SPSB1: variants seen among roughly 807,000 people sequenced by gnomAD.
The protein encoded by SPSB1 is splA/ryanodine receptor domain and SOCS box containing 1.
In SPSB1, 8 loss-of-function variants were observed where a neutral mutation model predicts 21.2. The observed-to-expected ratio is 0.38, with a 90% confidence interval of 0.22 to 0.68. SPSB1 has a LOEUF of 0.68. Ranked by LOEUF, SPSB1 falls within the 30% of genes least tolerant of loss-of-function variation. The pLI, the probability that SPSB1 is intolerant of heterozygous loss-of-function variation, is 0.53. For missense variants in SPSB1, 242 were observed against 377.8 expected (o/e 0.64, Z 2.98); for synonymous variants, 169 against 161.7 (o/e 1.05, Z -0.34).
chr1:9,358,744 T>C (rs1640418014), intron 2 of SPSB1, among the ~76,000 whole-genome samples: 1 of 152,168 alleles, frequency 6.6e-6, no homozygotes, highest in South Asian at 2.1e-4. Context: ...TTTCCAGCCC[T>C]GTGCCCTCCA....
rs749521220 is a variant in SPSB1 at position 9,296,629 on chromosome 1, TACAC to T, written c.-150+3565_-150+3568del. 8.5e-5 allele frequency among the ~76,000 whole-genome samples: 13 copies of T among 152,338 alleles called. No individual in the cohort carries two copies. In the East Asian group the frequency reaches 2.3e-3, roughly 27 times the overall value. ...ATATGCACACACATATATGCACACA[TACAC>T]ACACACGCTGGATTATTTTGAAGCA... On this transcript the variant is annotated intron_variant, in intron 1 of 2. Coordinates refer to ENST00000328089, the MANE Select transcript of SPSB1 (RefSeq NM_025106.4).
intron 1 of SPSB1, among the ~76,000 whole-genome samples, chr1:9,315,667 C>T (rs778545141): frequency 2.0e-5 from 3 of 152,220 alleles, no homozygotes; most frequent in Non-Finnish European, 4.4e-5. Context: ...AGCCTGGTTT[C>T]GACCCTCTAC....
intron 2 of SPSB1, among the ~76,000 whole-genome samples, chr1:9,362,642 A>G (rs1267031066): frequency 6.6e-6 from 1 of 152,170 alleles, no homozygotes; most frequent in Non-Finnish European, 1.5e-5. Flanking sequence ...TGAACTGGGC[A>G]CAGCACCACA....
rs550830865 is a variant in SPSB1, at chr1:9,320,741, C to T, written c.-150+27670C>T. On this transcript the variant is annotated intron_variant, in intron 1 of 2. Transcript: ENST00000328089. The stretch of plus-strand genomic sequence containing the variant: ...CGCCTCTCTCGGCTCTGGCTGGCCA[C>T]GACCTTCCTTTTGAAGGTGCCTGGA... Among the ~76,000 whole-genome samples, 7 of 152,320 alleles carry T rather than the reference C, an allele frequency of 4.6e-5. No individual in the cohort carries two copies. The East Asian group carries it at 9.7e-4, about 21-fold the overall frequency.
At chr1:9,332,861 C>T (rs1449854069) in intron 1 of SPSB1, among the ~76,000 whole-genome samples, 1 of 152,168 alleles carries the variant, frequency 6.6e-6, no homozygotes, top group African/African-American at 2.4e-5. Flanking sequence ...GGCCTGAGGT[C>T]AGCTTGCTGC....
In SPSB1 at chr1:9,292,922, G is replaced by T; in HGVS notation, c.-299G>T. On this transcript the variant is annotated 5_prime_UTR_variant, in exon 1 of 3. Coordinates refer to ENST00000328089, the MANE Select transcript of SPSB1 (RefSeq NM_025106.4). ...CAGAAGTCGCGCTCGGGCAGCCTGC[G>T]CGCTCGCAGCAGGAACCAGGCTCCA... 1 of 975,076 alleles carries T rather than the reference G, an allele frequency of 1.0e-6. No homozygotes were observed. The highest frequency in any genetic ancestry group is 1.2e-6 in the Non-Finnish European group (1 of 826,710). 60.4% of individuals were successfully genotyped at this position (975,076 alleles called of 1,614,324 possible).
chr1:9,296,523 A>G (rs972002356), intron 1 of SPSB1, among the ~76,000 whole-genome samples: 1 of 152,260 alleles, frequency 6.6e-6, no homozygotes, highest in Non-Finnish European at 1.5e-5. Flanking sequence ...CTCACCTCGC[A>G]TGCACACACA....
intron 1 of SPSB1, among the ~76,000 whole-genome samples, chr1:9,314,104 A>G (rs1458374036): frequency 2.0e-5 from 3 of 151,048 alleles, no homozygotes; most frequent in Non-Finnish European, 2.9e-5. Context: ...TGAACCAAGG[A>G]GGCAGAGGTT....
intron 1 of SPSB1, among the ~76,000 whole-genome samples, chr1:9,296,392 C>T (rs916202630): frequency 1.3e-5 from 2 of 152,232 alleles, no homozygotes; most frequent in African/African-American, 2.4e-5. Flanking sequence ...TTGTCACCTC[C>T]ACCACCTGAG....
chr1:9,302,188 AGTGGGTGCCT>A (rs1289643265), intron 1 of SPSB1, among the ~76,000 whole-genome samples: 14 of 152,234 alleles, frequency 9.2e-5, no homozygotes, highest in Admixed American at 9.2e-4. Flanking sequence ...AGAAGATGCC[AGTGGGTGCCT>A]ATGGGTGCCA....
chr1:9,325,231 C>CT (rs1402405083), intron 1 of SPSB1, among the ~76,000 whole-genome samples: 1 of 150,158 alleles, frequency 6.7e-6, no homozygotes, highest in Non-Finnish European at 1.5e-5. Flanking sequence ...CACCACCCCC[C>CT]CCCCCCGCCC....
At position 9,343,824 on chromosome 1, in the gene SPSB1, T is replaced by C. The variant is rs148088980; in HGVS notation, c.-149-11919T>C. 2.5e-3 allele frequency among the ~76,000 whole-genome samples: 387 copies of C among 152,276 alleles called. 2 individuals are homozygous for C. Among genetic ancestry groups the C allele is most frequent in the African/African-American group, 8.3e-3 (345 of 41,570 alleles). On this transcript the variant is annotated intron_variant, in intron 1 of 2. Transcript: ENST00000328089. ...TTTTTGAGACAGAGTCTCGCTCTGT[T>C]GCCTAGGCTGGAGTGCAGTGGCGCG... is the stretch of plus-strand genomic sequence containing the variant.
chr1:9,345,502 G>C lies in SPSB1; in HGVS notation c.-149-10241G>C, dbSNP rs1557461052. 6.6e-6 allele frequency among the ~76,000 whole-genome samples: 1 copy of C among 152,204 alleles called. No individual in the cohort carries two copies. Among genetic ancestry groups the C allele is most frequent in the Non-Finnish European group, 1.5e-5 (1 of 68,040 alleles). On this transcript the variant is annotated intron_variant, in intron 1 of 2. Coordinates refer to ENST00000328089, the MANE Select transcript of SPSB1 (RefSeq NM_025106.4). The surrounding 1 kb of genome is among the most constrained non-coding windows in gnomAD (Gnocchi z 4.8). ...TGCTGTCTGGGTCACCTTTTGGGAAGGTTGCTGTGTGTCCCTGGGGTCCCT... is the reference window on the plus strand; with the variant it reads ...TGCTGTCTGGGTCACCTTTTGGGAACGTTGCTGTGTGTCCCTGGGGTCCCT...
chr1:9,298,318 C>T (rs1433554496), intron 1 of SPSB1, among the ~76,000 whole-genome samples: 1 of 152,214 alleles, frequency 6.6e-6, no homozygotes, highest in Non-Finnish European at 1.5e-5. Context: ...CAGAAAATCA[C>T]AGCCCTCAAT....
chr1:9,306,838 C>G (rs1639419573), intron 1 of SPSB1, among the ~76,000 whole-genome samples: 1 of 151,974 alleles, frequency 6.6e-6, no homozygotes, highest in Admixed American at 6.6e-5. Flanking sequence ...AAAGTAAAGT[C>G]AGCTCCAAGC....
Position 9,348,756 on chromosome 1 carries a change from G to A in SPSB1, c.-149-6987G>A, listed in dbSNP as rs1640203935. On this transcript the variant is annotated intron_variant, in intron 1 of 2. Transcript: ENST00000328089. This position sits in a 1 kb window ranked among gnomAD's most constrained non-coding sequence, Gnocchi z 4.8. ...TCGAAGCTGGCCGAGGGAGTACGGG[G>A]CTTTCAGAAGCTCATCTGCTTAGAG... is the stretch of plus-strand genomic sequence containing the variant. Among the ~76,000 whole-genome samples the A allele has an allele frequency of 6.6e-6, 1 of 152,046 alleles. No individual in the cohort carries two copies. The highest frequency in any genetic ancestry group is 2.1e-4 in the South Asian group (1 of 4,822).
At chr1:9,323,897 A>G (rs548769237) in intron 1 of SPSB1, among the ~76,000 whole-genome samples, 3 of 152,156 alleles carry the variant, frequency 2.0e-5, no homozygotes, top group Admixed American at 1.3e-4. Flanking sequence ...TTCCTCTTAT[A>G]TCTGCCCTCT....
Position 9,345,964 on chromosome 1 carries a change from G to T in SPSB1, c.-149-9779G>T, listed in dbSNP as rs553253855. 2.6e-5 allele frequency among the ~76,000 whole-genome samples: 4 copies of T among 152,266 alleles called. No individual in the cohort carries two copies. The South Asian group carries it at 8.3e-4, about 32-fold the overall frequency. On this transcript the variant is annotated intron_variant, in intron 1 of 2. Transcript: ENST00000328089. The surrounding 1 kb of genome is among the most constrained non-coding windows in gnomAD (Gnocchi z 4.8). ...TGCTGGTGGTGGCCCCTTTGCCAGG[G>T]GCTCCATGGCCCAGCCAGCACGGAG... is the stretch of plus-strand genomic sequence containing the variant.
chr1:9,329,583 A>G (rs1450352923), intron 1 of SPSB1, among the ~76,000 whole-genome samples: 1 of 151,846 alleles, frequency 6.6e-6, no homozygotes, highest in Non-Finnish European at 1.5e-5. Context: ...AGTCCCAGCT[A>G]CTCAGGAGGC....
Sources: gnomAD v4.1 joint callset for allele counts (sites outside exome capture counted in the v4.1 genomes callset) on GRCh38, gnomAD v4.1.1 for gene constraint, Gnocchi (gnomAD v3.1) non-coding constraint, MANE v1.5 for transcripts, NCBI Gene and HGNC (gene_info 2026-07-23, HGNC 2026-07-21) for gene names.